UBE2E2: variants seen among roughly 807,000 people sequenced by gnomAD.
UBE2E2 encodes ubiquitin-conjugating enzyme E2 E2.
UBE2E2 carries 6 observed loss-of-function variants against 24.7 expected under a neutral mutation model. That is an observed-to-expected ratio of 0.24 (90% confidence interval 0.13 to 0.48). The LOEUF (loss-of-function observed/expected upper bound fraction) is 0.48, where lower values mean the gene tolerates loss of function less well. Ranked by LOEUF, UBE2E2 falls within the 20% of genes least tolerant of loss-of-function variation. The pLI is 0.99. For missense variants in UBE2E2, 169 were observed against 245.0 expected, an observed-to-expected ratio of 0.69 and a Z score of 2.07; for synonymous variants, 104 against 83.6, an observed-to-expected ratio of 1.24 and a Z score of -1.33.
chr3:23,578,002 C>A lies in UBE2E2; in HGVS notation c.509-11732C>A, dbSNP rs541325208. On this transcript the variant is annotated intron_variant, in intron 5 of 5. Transcript: ENST00000396703. ...ATTTTAAGCCCACGGTTGAGACCTA[C>A]CTCTCAGAAAAAAAAAAAAAAAAAG... Among the ~76,000 whole-genome samples, 3 of 142,980 alleles carry A rather than the reference C, an allele frequency of 2.1e-5. No individual in the cohort carries two copies. In the South Asian group the frequency reaches 6.9e-4, roughly 33 times the overall value. 93.8% of individuals were successfully genotyped at this position (142,980 alleles called of 152,430 possible).
At chr3:23,256,722 G>A (rs189174799) in intron 3 of UBE2E2, among the ~76,000 whole-genome samples, 33 of 152,258 alleles carry the variant, frequency 2.2e-4, no homozygotes, top group Non-Finnish European at 4.1e-4. Context: ...AACACAGTGC[G>A]TTACATATTT....
chr3:23,244,056 CAATT>C (rs1394783925), intron 3 of UBE2E2, among the ~76,000 whole-genome samples: 1 of 148,104 alleles, frequency 6.8e-6, no homozygotes, highest in South Asian at 2.1e-4. Flanking sequence ...ATTATGATAT[CAATT>C]AAGGTGATTT....
intron 5 of UBE2E2, among the ~76,000 whole-genome samples, chr3:23,571,280 C>CTTTTTTTGTTTTTTTTTTTTTTT (rs1696219053): frequency 3.3e-5 from 1 of 29,866 alleles, no homozygotes; most frequent in Non-Finnish European, 6.6e-5. Flanking sequence ...GTGCTCCTTT[C>CTTTTTTTGTTTTTTTTTTTTTTT]TTTTTTTTTT....
At chr3:23,436,222 A>G (rs1698180460) in intron 3 of UBE2E2, among the ~76,000 whole-genome samples, 1 of 152,082 alleles carries the variant, frequency 6.6e-6, no homozygotes, top group Non-Finnish European at 1.5e-5. Context: ...CAGGTGTCAA[A>G]GCGGCACATG....
At chr3:23,569,808 T>C (rs1331578399) in intron 5 of UBE2E2, among the ~76,000 whole-genome samples, 2 of 152,208 alleles carry the variant, frequency 1.3e-5, no homozygotes, top group Non-Finnish European at 2.9e-5. Flanking sequence ...GTAGCACTGC[T>C]ATATAGACTT....
chr3:23,429,312 A>G (rs1239655693), intron 3 of UBE2E2, among the ~76,000 whole-genome samples: 1 of 152,148 alleles, frequency 6.6e-6, no homozygotes, highest in Admixed American at 6.5e-5. Context: ...TAATACCAAA[A>G]CCAGACAAAG....
intron 5 of UBE2E2, among the ~76,000 whole-genome samples, chr3:23,574,431 A>G (rs1696298244): frequency 6.6e-6 from 1 of 152,184 alleles, no homozygotes; most frequent in Non-Finnish European, 1.5e-5. Flanking sequence ...TGAATACTCC[A>G]TTTGCCATGA....
chr3:23,473,617 A>G (rs920303047), intron 3 of UBE2E2, among the ~76,000 whole-genome samples: 2 of 152,024 alleles, frequency 1.3e-5, no homozygotes, highest in African/African-American at 2.4e-5. Context: ...CCCGAAGTCC[A>G]CTGTGTCATT....
intron 5 of UBE2E2, among the ~76,000 whole-genome samples, chr3:23,538,119 A>T (rs1189626934): frequency 6.6e-6 from 1 of 152,146 alleles, no homozygotes; most frequent in African/African-American, 2.4e-5. Context: ...ACAAAAAAAA[A>T]ATTTTTTTTC....
chr3:23,369,970 C>A (rs6763074), intron 3 of UBE2E2, among the ~76,000 whole-genome samples: 1 of 151,834 alleles, frequency 6.6e-6, no homozygotes, highest in Admixed American at 6.6e-5. Context: ...CATCTGTTCC[C>A]CCTTTAGATA....
chr3:23,329,963 G>T (rs1333554163), intron 3 of UBE2E2, among the ~76,000 whole-genome samples: 4 of 152,140 alleles, frequency 2.6e-5, no homozygotes, highest in Non-Finnish European at 5.9e-5. Context: ...GCATTAAGTG[G>T]TAGTTTACAA....
chr3:23,580,807 C>T lies in UBE2E2; in HGVS notation c.509-8927C>T, dbSNP rs555877706. ...AGGTTATCCCAGGCAGAGGAACCAACATAAGCAAACAAACATAATCATAAA... is the reference window on the plus strand; with the variant it reads ...AGGTTATCCCAGGCAGAGGAACCAATATAAGCAAACAAACATAATCATAAA... On this transcript the variant is annotated intron_variant, in intron 5 of 5. Transcript: ENST00000396703. 1.9e-3 allele frequency among the ~76,000 whole-genome samples: 290 copies of T among 152,312 alleles called. 4 individuals carry two copies. Among genetic ancestry groups the T allele is most frequent in the African/African-American group, 6.3e-3 (261 of 41,564 alleles).
chr3:23,236,949 G>A (rs1697129141), intron 3 of UBE2E2, among the ~76,000 whole-genome samples: 1 of 152,132 alleles, frequency 6.6e-6, no homozygotes, highest in South Asian at 2.1e-4. Flanking sequence ...CTCAAATACT[G>A]CTTCCATTCT....
chr3:23,514,654 A>G lies in UBE2E2; in HGVS notation c.360+14914A>G, dbSNP rs550050665. Among the ~76,000 whole-genome samples, 3 of 152,036 alleles carry G rather than the reference A, an allele frequency of 2.0e-5. No individual in the cohort carries two copies. The East Asian group carries it at 5.8e-4, about 29-fold the overall frequency. ...GTGCCTGACTGCATGAGAAATGACA[A>G]ATGGAAGGAGGCTGAGCAGACAAGT... On this transcript the variant is annotated intron_variant, in intron 4 of 5. Transcript: ENST00000396703.
chr3:23,203,621 C>T (rs1269009402), intron 1 of UBE2E2, among the ~76,000 whole-genome samples, 157 bp downstream of exon 1: 9 of 149,660 alleles, frequency 6.0e-5, no homozygotes, highest in Middle Eastern at 3.4e-3. Flanking sequence ...TGCCCGGTTC[C>T]CTACGCCCCC....
At chr3:23,564,376 A>T (rs1054643492) in intron 5 of UBE2E2, among the ~76,000 whole-genome samples, 1 of 152,184 alleles carries the variant, frequency 6.6e-6, no homozygotes, top group Non-Finnish European at 1.5e-5. Flanking sequence ...GGGATGAATT[A>T]AACTTTATAA....
At chr3:23,562,103 A>G (rs1190458056) in intron 5 of UBE2E2, among the ~76,000 whole-genome samples, 1 of 152,190 alleles carries the variant, frequency 6.6e-6, no homozygotes, top group South Asian at 2.1e-4. Flanking sequence ...TTCCAACACT[A>G]TGTTGAATAG....
chr3:23,399,997 A>G (rs1398721069), intron 3 of UBE2E2, among the ~76,000 whole-genome samples: 3 of 152,306 alleles, frequency 2.0e-5, no homozygotes, highest in Non-Finnish European at 2.9e-5. Context: ...CTTGAACATT[A>G]CAATACTTTA....
At chr3:23,252,967 A>G (rs1003914876) in intron 3 of UBE2E2, among the ~76,000 whole-genome samples, 1 of 152,236 alleles carries the variant, frequency 6.6e-6, no homozygotes, top group Non-Finnish European at 1.5e-5. Context: ...CTGTTTTCTA[A>G]ATTTTATCTT....
Sources: allele counts gnomAD v4.1 joint callset (sites outside exome capture counted in the v4.1 genomes callset), GRCh38; gene constraint gnomAD v4.1.1; transcripts MANE v1.5; gene names NCBI Gene and HGNC (gene_info 2026-07-23, HGNC 2026-07-21).